The following CACNB2 variants were observed in gnomAD, a reference collection of about 807,000 sequenced individuals.
CACNB2 encodes the protein calcium voltage-gated channel auxiliary subunit beta 2.
A neutral mutation model predicts 73.3 loss-of-function variants in CACNB2; 42 were observed. The ratio of observed to expected loss-of-function variants is 0.57; its 90% confidence interval spans 0.45 to 0.74. The LOEUF (loss-of-function observed/expected upper bound fraction) is 0.74. Among genes scored for constraint, CACNB2 ranks in the 30% least tolerant of loss-of-function variants. The pLI, the probability that CACNB2 is intolerant of heterozygous loss-of-function variation, is 0.00. For missense variants in CACNB2, 940 were observed against 853.0 expected, an observed-to-expected ratio of 1.10 and a Z score of -1.27; for synonymous variants, 348 against 310.3, an observed-to-expected ratio of 1.12 and a Z score of -1.28.
intron 2 of CACNB2, among the ~76,000 whole-genome samples, chr10:18,193,962 A>C (rs1044802681): frequency 2.0e-5 from 3 of 152,162 alleles, no homozygotes; most frequent in Admixed American, 6.5e-5. Context: ...GTGCTACAGA[A>C]AAAAATAAAA....
chr10:18,215,793 C>T (rs949515651), intron 2 of CACNB2, among the ~76,000 whole-genome samples: 3 of 152,140 alleles, frequency 2.0e-5, no homozygotes, highest in African/African-American at 7.2e-5. Flanking sequence ...CGCGTCCCTC[C>T]ACTGCCCACT....
At chr10:18,401,341 A>C (rs1344056603) in intron 2 of CACNB2, among the ~76,000 whole-genome samples, 1 of 152,136 alleles carries the variant, frequency 6.6e-6, no homozygotes, top group African/African-American at 2.4e-5. Flanking sequence ...AATCTAGGTA[A>C]AGGTATTTTA....
chr10:18,324,258 A>G (rs1305256917), intron 2 of CACNB2, among the ~76,000 whole-genome samples: 1 of 152,244 alleles, frequency 6.6e-6, no homozygotes, highest in Non-Finnish European at 1.5e-5. Context: ...TATAAACAAT[A>G]TGCAATGGAT....
chr10:18,508,691 T>A (rs2050615126), intron 6 of CACNB2, among the ~76,000 whole-genome samples: 1 of 152,140 alleles, frequency 6.6e-6, no homozygotes, highest in Non-Finnish European at 1.5e-5. Flanking sequence ...ACTAAACCCA[T>A]CATAAATAGA....
chr10:18,252,399 G>A (rs545496061), intron 2 of CACNB2, among the ~76,000 whole-genome samples: 21 of 151,216 alleles, frequency 1.4e-4, no homozygotes, highest in African/African-American at 4.6e-4. Flanking sequence ...TTACATAACC[G>A]ACCGAGTTTC....
chr10:18,305,073 A>T (rs12246226), intron 2 of CACNB2, among the ~76,000 whole-genome samples: 2,051 of 152,342 alleles, frequency 0.013, 43 homozygotes, highest in African/African-American at 0.047. Flanking sequence ...TTCTTATTCC[A>T]ATTCTTCCAT....
chr10:18,503,399 C>G (rs1380979544), intron 5 of CACNB2, among the ~76,000 whole-genome samples: 1 of 152,138 alleles, frequency 6.6e-6, no homozygotes, highest in Non-Finnish European at 1.5e-5. Flanking sequence ...GAGTTCGAGA[C>G]CAGCCTGGTC....
intron 2 of CACNB2, among the ~76,000 whole-genome samples, chr10:18,398,932 AG>A (rs1432236196): frequency 6.6e-6 from 1 of 152,170 alleles, no homozygotes; most frequent in Non-Finnish European, 1.5e-5. Flanking sequence ...GCAATGTAAA[AG>A]CTCCATCTGA....
chr10:18,218,861 A>G (rs1359285495), intron 2 of CACNB2, among the ~76,000 whole-genome samples: 1 of 151,234 alleles, frequency 6.6e-6, no homozygotes, highest in Non-Finnish European at 1.5e-5. Context: ...ATGAGACTCC[A>G]TCTCAAAAAA....
chr10:18,180,535 C>T (rs990206458), intron 2 of CACNB2, among the ~76,000 whole-genome samples: 2 of 151,730 alleles, frequency 1.3e-5, no homozygotes, highest in Non-Finnish European at 2.9e-5. Context: ...CCTCCCTGAT[C>T]TTCACTGTCT....
chr10:18,447,272 C>T (rs1002053531), intron 3 of CACNB2, among the ~76,000 whole-genome samples: 9 of 151,954 alleles, frequency 5.9e-5, no homozygotes, highest in Non-Finnish European at 8.8e-5. Flanking sequence ...ATTTGAGGCA[C>T]CATAGACCGT....
At chr10:18,219,741 G>T (rs1173075310) in intron 2 of CACNB2, among the ~76,000 whole-genome samples, 1 of 150,774 alleles carries the variant, frequency 6.6e-6, no homozygotes, top group African/African-American at 2.4e-5. Flanking sequence ...TCTTATCTCT[G>T]GCTTTCTGGC....
At chr10:18,438,973 C>T (rs1336675509) in intron 3 of CACNB2, among the ~76,000 whole-genome samples, 1 of 152,312 alleles carries the variant, frequency 6.6e-6, no homozygotes, top group South Asian at 2.1e-4. Context: ...TAGGCCAGCA[C>T]GTGAATTGGT....
At position 18,286,292 on chromosome 10, in the gene CACNB2, G is replaced by A. The variant is rs552891325; in HGVS notation, c.214-115632G>A. The stretch of plus-strand genomic sequence containing the variant: ...AGCACTTTGGGAGGCCAAGGCGGGC[G>A]GATCACGAGGTCAGGAGATCCAGAC... On this transcript the variant is annotated intron_variant, in intron 2 of 13. Coordinates refer to ENST00000324631, the MANE Select transcript of CACNB2 (RefSeq NM_201596.3). Among the ~76,000 whole-genome samples, 36 of 151,940 alleles carry A rather than the reference G, an allele frequency of 2.4e-4. No individual in the cohort carries two copies. In the South Asian group the frequency reaches 6.7e-3, roughly 28 times the overall value.
At chr10:18,519,694 AT>A (rs200407642) in intron 9 of CACNB2, 63 of 451,180 alleles carry the variant, frequency 1.4e-4, no homozygotes, top group Admixed American at 8.3e-4. Context: ...TAGGTGTCTC[AT>A]TTTTTTTTCT....
chr10:18,298,615 C>A (rs551625757), intron 2 of CACNB2, among the ~76,000 whole-genome samples: 1 of 152,314 alleles, frequency 6.6e-6, no homozygotes, highest in South Asian at 2.1e-4. Context: ...GGGTCTATAT[C>A]CGGTTTGGGG....
rs11813687 is a variant in CACNB2, at chr10:18,149,927, A to T, written c.121-956A>T. 7.2e-3 allele frequency among the ~76,000 whole-genome samples: 1,095 copies of T among 152,322 alleles called. 11 individuals are homozygous for T. Among genetic ancestry groups the T allele is most frequent in the African/African-American group, 0.023 (953 of 41,574 alleles). ...ACTTAATCCTATGAGGTATTATTTC[A>T]TCTAATACTTAACCCCATTTTAAAG... On this transcript the variant is annotated intron_variant, in intron 1 of 13. Coordinates refer to ENST00000324631, the MANE Select transcript of CACNB2 (RefSeq NM_201596.3).
chr10:18,253,416 A>G (rs370842949), intron 2 of CACNB2, among the ~76,000 whole-genome samples: 19 of 152,190 alleles, frequency 1.2e-4, no homozygotes, highest in East Asian at 1.9e-4. Flanking sequence ...TTTTATGGCA[A>G]CTTCAGAGAA....
chr10:18,461,381 T>C (rs900864273), intron 3 of CACNB2, among the ~76,000 whole-genome samples: 8 of 152,160 alleles, frequency 5.3e-5, no homozygotes, highest in African/African-American at 1.7e-4. Flanking sequence ...TTTCAAGGCT[T>C]TAACTTTCTT....
Sources: gnomAD v4.1 joint callset for allele counts (sites outside exome capture counted in the v4.1 genomes callset) on GRCh38, gnomAD v4.1.1 for gene constraint, MANE v1.5 for transcripts, NCBI Gene and HGNC (gene_info 2026-07-23, HGNC 2026-07-21) for gene names.